The following NRCAM variants were observed in gnomAD, a reference collection of about 807,000 sequenced individuals.
NRCAM encodes the protein neuronal cell adhesion molecule.
A neutral mutation model predicts 156.5 loss-of-function variants in NRCAM; 83 were observed. That is an observed-to-expected ratio of 0.53 (90% CI 0.44 to 0.64). The LOEUF (loss-of-function observed/expected upper bound fraction) is 0.64. Ranked by LOEUF, NRCAM falls within the 30% of genes least tolerant of loss-of-function variation. The pLI is 0.00. For synonymous variants in NRCAM, 538 were observed against 563.9 expected, an observed-to-expected ratio of 0.95 and a Z score of 0.65; for missense variants, 1,417 against 1,597.3, an observed-to-expected ratio of 0.89 and a Z score of 1.92.
chr7:108,339,995 C>T lies in NRCAM; in HGVS notation c.-173-27264G>A, dbSNP rs192984026. 1.8e-4 allele frequency among the ~76,000 whole-genome samples: 27 copies of T among 152,306 alleles called. No homozygotes were observed. In the East Asian group the frequency reaches 4.4e-3, roughly 25 times the overall value. ...TATAAATTATAACACTATCTTACAGCTAGACCTCTTTTGTAGAAAAGAAGG... is the reference window on the plus strand; with the variant it reads ...TATAAATTATAACACTATCTTACAGTTAGACCTCTTTTGTAGAAAAGAAGG... On this transcript the variant is annotated intron_variant, in intron 2 of 32. Coordinates refer to ENST00000379028, the MANE Select transcript of NRCAM (RefSeq NM_001037132.4).
chr7:108,356,669 G>A (rs1278312925), intron 2 of NRCAM, among the ~76,000 whole-genome samples: 2 of 152,184 alleles, frequency 1.3e-5, no homozygotes, highest in African/African-American at 4.8e-5. Context: ...GAGGAGCCAG[G>A]TGGCTTGACT....
chr7:108,179,789 G>A, intron 25 of NRCAM, among the ~76,000 whole-genome samples: 1 of 152,168 alleles, frequency 6.6e-6, no homozygotes, highest in East Asian at 1.9e-4. Flanking sequence ...AGAAACTATA[G>A]AAGTAAACTA....
At chr7:108,175,228 G>T in intron 28 of NRCAM, 94 bp downstream of exon 28, 1 of 913,120 alleles carries the variant, frequency 1.1e-6, no homozygotes, top group Non-Finnish European at 1.6e-6. Flanking sequence ...GTGGTTCAAA[G>T]CATATTTTCT....
intron 1 of NRCAM, among the ~76,000 whole-genome samples, chr7:108,445,964 T>G (rs2154489647): frequency 6.6e-6 from 1 of 152,322 alleles, no homozygotes; most frequent in South Asian, 2.1e-4. Flanking sequence ...TTCAGTTCTG[T>G]GTGCCTCACT....
At chr7:108,375,236 T>A (rs2099669300) in intron 2 of NRCAM, among the ~76,000 whole-genome samples, 1 of 152,048 alleles carries the variant, frequency 6.6e-6, no homozygotes, top group African/African-American at 2.4e-5. Context: ...TGCAGCAGAG[T>A]GCATGGCATT....
intron 25 of NRCAM, chr7:108,178,516 C>A: frequency 4.6e-6 from 1 of 217,568 alleles, no homozygotes. Flanking sequence ...ACTGTTTTCT[C>A]TAACAAACCA....
chr7:108,455,208 C>T (rs1028545636), intron 1 of NRCAM, among the ~76,000 whole-genome samples: 1 of 152,164 alleles, frequency 6.6e-6, no homozygotes, highest in Non-Finnish European at 1.5e-5. Context: ...ACACCCCGTC[C>T]CCCTCCGCAC....
At chr7:108,442,433 G>C (rs887352868) in intron 1 of NRCAM, among the ~76,000 whole-genome samples, 2 of 152,212 alleles carry the variant, frequency 1.3e-5, no homozygotes, top group East Asian at 1.9e-4. Flanking sequence ...CAGAGCAGGT[G>C]CAGGTAGCCA....
chr7:108,353,510 G>A (rs190370298), intron 2 of NRCAM, among the ~76,000 whole-genome samples: 55 of 151,878 alleles, frequency 3.6e-4, no homozygotes, highest in African/African-American at 1.3e-3. Flanking sequence ...TTAGAGAGAC[G>A]GGCTCTCATT....
intron 3 of NRCAM, among the ~76,000 whole-genome samples, chr7:108,261,604 A>ATTCCCAT (rs61147748): frequency 0.027 from 4,182 of 152,282 alleles, 204 homozygotes; most frequent in African/African-American, 0.095. Flanking sequence ...GGACATCCCC[A>ATTCCCAT]TTAGAGTTGT....
At chr7:108,177,885 G>A (rs962823906) in intron 26 of NRCAM, 105 bp downstream of exon 26, 9 of 987,918 alleles carry the variant, frequency 9.1e-6, no homozygotes, top group South Asian at 2.0e-5. Flanking sequence ...TATATGTATC[G>A]AAACATCACT....
chr7:108,274,737 C>G (rs1215758395), intron 3 of NRCAM, among the ~76,000 whole-genome samples: 1 of 152,178 alleles, frequency 6.6e-6, no homozygotes, highest in Non-Finnish European at 1.5e-5. Context: ...TTATTTCTTT[C>G]TCTTGCTTGA....
chr7:108,447,490 T>C (rs894197224), intron 1 of NRCAM, among the ~76,000 whole-genome samples: 1 of 152,000 alleles, frequency 6.6e-6, no homozygotes, highest in East Asian at 1.9e-4. Context: ...CAGGGCGCTC[T>C]TGAACTCCTG....
intron 11 of NRCAM, among the ~76,000 whole-genome samples, chr7:108,213,607 C>G (rs1436406155): frequency 6.6e-6 from 1 of 152,108 alleles, no homozygotes; most frequent in African/African-American, 2.4e-5. Flanking sequence ...CAAAAGCAAG[C>G]AGGGGTAGCT....
chr7:108,361,400 T>C (rs1563435608), intron 2 of NRCAM, among the ~76,000 whole-genome samples: 1 of 152,238 alleles, frequency 6.6e-6, no homozygotes, highest in Non-Finnish European at 1.5e-5. Flanking sequence ...AACATTTAAA[T>C]CAGTAGTCTG....
chr7:108,169,471 AT>A (rs1324112864), intron 28 of NRCAM, among the ~76,000 whole-genome samples: 1 of 152,226 alleles, frequency 6.6e-6, no homozygotes, highest in African/African-American at 2.4e-5. Flanking sequence ...TGTTTATAAA[AT>A]GTAGACGCTC....
chr7:108,274,848 C>T (rs773106720), intron 3 of NRCAM, among the ~76,000 whole-genome samples: 17 of 152,120 alleles, frequency 1.1e-4, no homozygotes, highest in Non-Finnish European at 2.2e-4. Flanking sequence ...CAGTTTTTGC[C>T]CATTCAGTAT....
chr7:108,292,336 G>A (rs959129557), intron 3 of NRCAM, among the ~76,000 whole-genome samples: 2 of 152,066 alleles, frequency 1.3e-5, no homozygotes, highest in East Asian at 3.9e-4. Flanking sequence ...CTTTTATGTA[G>A]CACATTTCTT....
chr7:108,273,879 T>C (rs1420676792), intron 3 of NRCAM, among the ~76,000 whole-genome samples: 1 of 152,250 alleles, frequency 6.6e-6, no homozygotes, highest in Non-Finnish European at 1.5e-5. Context: ...GTTTTGGGCC[T>C]AACATTTAAA....
Sources: allele counts gnomAD v4.1 joint callset (sites outside exome capture counted in the v4.1 genomes callset), GRCh38; gene constraint gnomAD v4.1.1; transcripts MANE v1.5; gene names NCBI Gene and HGNC (gene_info 2026-07-23, HGNC 2026-07-21).